The following KIF6 variants were observed in gnomAD, a reference collection of about 807,000 sequenced individuals.
KIF6 encodes kinesin family member 6, also known as kinesin-like protein KIF6.
In KIF6, 106 loss-of-function variants were observed where a neutral mutation model predicts 112.7. The observed-to-expected ratio is 0.94, with a 90% CI of 0.80 to 1.11. The LOEUF (loss-of-function observed/expected upper bound fraction) is 1.11, where lower values mean the gene tolerates loss of function less well. KIF6 is among the 50% of genes least tolerant of loss of function. The pLI is 0.00. For synonymous variants in KIF6, 339 were observed against 339.9 expected (o/e 1.00, Z 0.03); for missense variants, 929 against 964.0 (o/e 0.96, Z 0.48).
intron 15 of KIF6, among the ~76,000 whole-genome samples, chr6:39,404,423 A>G (rs918493896): frequency 9.3e-3 from 25 of 2,700 alleles, no homozygotes; most frequent in African/African-American, 0.016. Context: ...TTGCTTGTTG[A>G]AAAAAACCCT....
intron 22 of KIF6, among the ~76,000 whole-genome samples, chr6:39,341,714 T>A (rs950202190): frequency 1.3e-5 from 2 of 152,162 alleles, no homozygotes; most frequent in Non-Finnish European, 2.9e-5. Flanking sequence ...CTGATGGTCA[T>A]GCCTCCCTGC....
chr6:39,366,640 C>A (rs543259649), intron 16 of KIF6, among the ~76,000 whole-genome samples: 1 of 152,118 alleles, frequency 6.6e-6, no homozygotes, highest in Admixed American at 6.5e-5. Flanking sequence ...ATGCAGAAAT[C>A]GGGGCACAGA....
intron 9 of KIF6, among the ~76,000 whole-genome samples, chr6:39,581,161 C>CTT (rs60321520): frequency 5.2e-4 from 41 of 78,648 alleles, no homozygotes; most frequent in Middle Eastern, 7.1e-3. Context: ...GCTTTACTTT[C>CTT]TTTTTTTTTT....
At chr6:39,483,427 A>G (rs374869175) in intron 13 of KIF6, among the ~76,000 whole-genome samples, 1 of 152,110 alleles carries the variant, frequency 6.6e-6, no homozygotes, top group East Asian at 1.9e-4. Context: ...TGCATCTGGG[A>G]TTATGGGGAA....
intron 15 of KIF6, among the ~76,000 whole-genome samples, chr6:39,417,668 A>G (rs1039740362): frequency 6.6e-5 from 10 of 152,140 alleles, no homozygotes; most frequent in African/African-American, 2.2e-4. Context: ...GAATGTGGCA[A>G]ACTTGCTCCA....
In KIF6 at chr6:39,415,309, A is replaced by G. The variant is rs866433096; in HGVS notation, c.1810+4639T>C. Among the ~76,000 whole-genome samples, 130 of 150,228 alleles carry G rather than the reference A, an allele frequency of 8.7e-4. No individual in the cohort carries two copies. The Middle Eastern group carries it at 0.01, about 12-fold the overall frequency. Reference sequence around the variant, plus strand: ...CAGAGATTTTTAAAATGTAAAAAAAAAAAAAAAAAAAAAAAAGGCCAAATG... The same window carrying G: ...CAGAGATTTTTAAAATGTAAAAAAAGAAAAAAAAAAAAAAAAGGCCAAATG... On this transcript the variant is annotated intron_variant, in intron 15 of 22. Coordinates refer to ENST00000287152, the MANE Select transcript of KIF6 (RefSeq NM_145027.6).
chr6:39,640,858 C>T (rs376686786), intron 3 of KIF6, among the ~76,000 whole-genome samples: 3 of 152,246 alleles, frequency 2.0e-5, no homozygotes, highest in Non-Finnish European at 2.9e-5. Flanking sequence ...TTCAGCAACA[C>T]GTCAATGCAT....
At chr6:39,403,030 T>C (rs558100818) in intron 15 of KIF6, among the ~76,000 whole-genome samples, 18 of 151,002 alleles carry the variant, frequency 1.2e-4, no homozygotes, top group African/African-American at 4.2e-4. Context: ...AAGTGCTCTT[T>C]CTAGAGAAAT....
chr6:39,612,208 A>C (rs953777001), intron 6 of KIF6, among the ~76,000 whole-genome samples: 1 of 152,226 alleles, frequency 6.6e-6, no homozygotes, highest in African/African-American at 2.4e-5. Context: ...ATGGGGCTGA[A>C]TAAAAGGTCC....
chr6:39,583,942 A>G (rs1255796688), intron 9 of KIF6, among the ~76,000 whole-genome samples: 4 of 151,812 alleles, frequency 2.6e-5, no homozygotes, highest in African/African-American at 7.2e-5. Flanking sequence ...TACCATGTAA[A>G]TTTTTTTGCT....
chr6:39,675,621 A>G (rs1466276711), intron 3 of KIF6, among the ~76,000 whole-genome samples: 1 of 152,036 alleles, frequency 6.6e-6, no homozygotes, highest in Non-Finnish European at 1.5e-5. Context: ...CAATTCCACC[A>G]TAAAAGAGTC....
intron 10 of KIF6, among the ~76,000 whole-genome samples, chr6:39,551,079 A>T (rs1450238720): frequency 6.6e-6 from 1 of 152,206 alleles, no homozygotes; most frequent in African/African-American, 2.4e-5. Context: ...TCTTCCATAT[A>T]CTGATTTCCT....
At chr6:39,361,930 G>A (rs1765183369) in intron 17 of KIF6, among the ~76,000 whole-genome samples, 2 of 152,324 alleles carry the variant, frequency 1.3e-5, no homozygotes, top group South Asian at 4.1e-4. Flanking sequence ...GCACACATGT[G>A]CTAAATGCAT....
intron 12 of KIF6, among the ~76,000 whole-genome samples, chr6:39,541,640 G>A (rs548412008): frequency 1.3e-5 from 2 of 152,308 alleles, no homozygotes; most frequent in East Asian, 3.9e-4. Flanking sequence ...TCCTACTGGG[G>A]AAAGACGTCT....
intron 5 of KIF6, among the ~76,000 whole-genome samples, chr6:39,626,054 T>C (rs771846966): frequency 6.0e-4 from 92 of 152,090 alleles, no homozygotes; most frequent in Non-Finnish European, 1.8e-4. Context: ...CATGAATGTG[T>C]TGCTCAGCAG....
chr6:39,460,740 G>T (rs1306723692), intron 13 of KIF6, among the ~76,000 whole-genome samples: 2 of 152,104 alleles, frequency 1.3e-5, no homozygotes, highest in African/African-American at 4.8e-5. Flanking sequence ...CCACTTGAAT[G>T]TGGGTGACAA....
At chr6:39,725,055 G>C (rs374388940) in intron 1 of KIF6, among the ~76,000 whole-genome samples, 190 bp downstream of exon 1, 55 of 152,318 alleles carry the variant, frequency 3.6e-4, no homozygotes, top group African/African-American at 1.3e-3. Context: ...GCTGTCGGTC[G>C]CGTAGCTGAC....
intron 6 of KIF6, among the ~76,000 whole-genome samples, chr6:39,610,448 T>C (rs1783153593): frequency 6.6e-6 from 1 of 152,218 alleles, no homozygotes; most frequent in Admixed American, 6.5e-5. Flanking sequence ...TGTTTTCTGG[T>C]TACCAAGGCA....
chr6:39,490,834 C>A (rs1775439283), intron 13 of KIF6, among the ~76,000 whole-genome samples: 1 of 152,098 alleles, frequency 6.6e-6, no homozygotes, highest in Non-Finnish European at 1.5e-5. Context: ...TCAAAAAAAA[C>A]CCCACCCTGT....
Sources: gnomAD v4.1 joint callset for allele counts (sites outside exome capture counted in the v4.1 genomes callset) on GRCh38, gnomAD v4.1.1 for gene constraint, MANE v1.5 for transcripts, NCBI Gene and HGNC (gene_info 2026-07-23, HGNC 2026-07-21) for gene names.